Variants in ANKHD1 observed in about 807,000 individuals in gnomAD.
ANKHD1 encodes ankyrin repeat and KH domain-containing protein 1.
A neutral mutation model predicts 230.5 loss-of-function variants in ANKHD1; 31 were observed. The observed-to-expected ratio is 0.13, with a 90% confidence interval of 0.10 to 0.18. ANKHD1 has a LOEUF of 0.18. Ranked by LOEUF, ANKHD1 falls within the 10% of genes least tolerant of loss-of-function variation. The pLI, the probability that ANKHD1 is intolerant of heterozygous loss-of-function variation, is 1.00. For synonymous variants in ANKHD1, 1,074 were observed against 1,117.6 expected, an observed-to-expected ratio of 0.96 and a Z score of 0.78; for missense variants, 2,256 against 3,071.3, an observed-to-expected ratio of 0.73 and a Z score of 6.27.
At chr5:140,503,549 C>CTTCCT (rs1752397231) in intron 15 of ANKHD1, among the ~76,000 whole-genome samples, 8 of 52,314 alleles carry the variant, frequency 1.5e-4, no homozygotes, top group African/African-American at 6.1e-4. Context: ...ACTCAGTTTT[C>CTTCCT]TTTCTTTTTT....
At chr5:140,463,609 A>G (rs1467711688) in intron 9 of ANKHD1, among the ~76,000 whole-genome samples, 1 of 152,106 alleles carries the variant, frequency 6.6e-6, no homozygotes, top group African/African-American at 2.4e-5. Flanking sequence ...GAAGGATGCT[A>G]AGGGACCACC....
intron 10 of ANKHD1, among the ~76,000 whole-genome samples, chr5:140,468,259 G>T (rs1431345338): frequency 7.0e-6 from 1 of 142,144 alleles, no homozygotes; most frequent in African/African-American, 2.6e-5. Flanking sequence ...GCAAGACTCC[G>T]TCTCAAAAAA....
At chr5:140,466,543 TTAAAA>T (rs1776102877) in intron 10 of ANKHD1, among the ~76,000 whole-genome samples, 2 of 152,218 alleles carry the variant, frequency 1.3e-5, no homozygotes, top group Non-Finnish European at 2.9e-5. Flanking sequence ...CTGGAATTAG[TTAAAA>T]TAGAGTGTTT....
chr5:140,413,363 C>G (rs972660825), intron 1 of ANKHD1, among the ~76,000 whole-genome samples: 4 of 152,170 alleles, frequency 2.6e-5, no homozygotes, highest in Non-Finnish European at 5.9e-5. Flanking sequence ...ACTTTAACCA[C>G]TGTACATGTA....
intron 1 of ANKHD1, among the ~76,000 whole-genome samples, chr5:140,424,158 T>C (rs1216655006): frequency 1.3e-5 from 2 of 152,098 alleles, no homozygotes; most frequent in East Asian, 3.9e-4. Context: ...TTATATACCC[T>C]GGTATATATA....
At chr5:140,444,554 T>C (rs1006271732) in intron 5 of ANKHD1, among the ~76,000 whole-genome samples, 1 of 152,194 alleles carries the variant, frequency 6.6e-6, no homozygotes, top group Non-Finnish European at 1.5e-5. Context: ...CTTTACTTAA[T>C]GCATTTTGTT....
intron 15 of ANKHD1, among the ~76,000 whole-genome samples, chr5:140,502,466 A>G (rs1752348401): frequency 6.6e-6 from 1 of 152,240 alleles, no homozygotes; most frequent in Non-Finnish European, 1.5e-5. Context: ...TTCTTATCAC[A>G]TTCTGGCATA....
At chr5:140,406,808 T>C (rs1770495702) in intron 1 of ANKHD1, among the ~76,000 whole-genome samples, 1 of 152,016 alleles carries the variant, frequency 6.6e-6, no homozygotes. Context: ...AGTGCTGGGA[T>C]TACAGCCGTG....
chr5:140,510,733 T>C (rs910297419), intron 22 of ANKHD1, among the ~76,000 whole-genome samples: 2 of 152,178 alleles, frequency 1.3e-5, no homozygotes, highest in African/African-American at 4.8e-5. Flanking sequence ...TAAGAAAAAC[T>C]ATTATATGCA....
At chr5:140,453,681 C>G (rs922921873) in intron 7 of ANKHD1, among the ~76,000 whole-genome samples, 3 of 152,138 alleles carry the variant, frequency 2.0e-5, no homozygotes, top group Admixed American at 2.0e-4. Context: ...TTTGTCACCA[C>G]CAGGCCTGCC....
chr5:140,496,135 T>G (rs1752023824), intron 14 of ANKHD1, among the ~76,000 whole-genome samples: 1 of 152,234 alleles, frequency 6.6e-6, no homozygotes, highest in Non-Finnish European at 1.5e-5. Flanking sequence ...CAACGCTATT[T>G]TGATACTGCT....
At chr5:140,451,981 A>G (rs1358913550) in intron 7 of ANKHD1, among the ~76,000 whole-genome samples, 1 of 152,230 alleles carries the variant, frequency 6.6e-6, no homozygotes. Context: ...CCAAATAGGA[A>G]CAGCTCCAGT....
chr5:140,520,155 G>C (rs1201405977), intron 24 of ANKHD1, among the ~76,000 whole-genome samples: 1 of 152,206 alleles, frequency 6.6e-6, no homozygotes, highest in South Asian at 2.1e-4. Context: ...AGACATTTAT[G>C]CAGCCAAAAA....
intron 5 of ANKHD1, among the ~76,000 whole-genome samples, chr5:140,442,325 TGA>T (rs1458069915): frequency 2.6e-5 from 4 of 152,240 alleles, no homozygotes; most frequent in African/African-American, 9.6e-5. Flanking sequence ...ATTACAGATG[TGA>T]GCCACCAAGC....
intron 5 of ANKHD1, among the ~76,000 whole-genome samples, chr5:140,442,370 C>T (rs975836131): frequency 6.6e-6 from 1 of 151,996 alleles, no homozygotes; most frequent in Non-Finnish European, 1.5e-5. Context: ...GCAACAGTCC[C>T]CAACCTTTTT....
At chr5:140,495,231 T>C (rs1751973323) in intron 14 of ANKHD1, among the ~76,000 whole-genome samples, 1 of 151,066 alleles carries the variant, frequency 6.6e-6, no homozygotes, top group African/African-American at 2.4e-5. Context: ...TGTTCCTTTT[T>C]GTTGCTGAAT....
intron 2 of ANKHD1, among the ~76,000 whole-genome samples, chr5:140,437,162 G>A (rs986348796): frequency 2.6e-5 from 4 of 151,880 alleles, no homozygotes; most frequent in African/African-American, 9.7e-5. Context: ...ATTTATTGTG[G>A]GTATCCTTCC....
chr5:140,402,525 G>T (rs1269392913), intron 1 of ANKHD1, among the ~76,000 whole-genome samples: 1 of 152,198 alleles, frequency 6.6e-6, no homozygotes, highest in Non-Finnish European at 1.5e-5. Context: ...CTTCGCGCGG[G>T]AACAGGGACT....
At chr5:140,403,677 C>T (rs1770180240) in intron 1 of ANKHD1, among the ~76,000 whole-genome samples, 2 of 152,264 alleles carry the variant, frequency 1.3e-5, no homozygotes, top group East Asian at 1.9e-4. Flanking sequence ...TATGTGTATA[C>T]TTTTTTCTGT....
Sources: gnomAD v4.1 joint callset for allele counts (sites outside exome capture counted in the v4.1 genomes callset) on GRCh38, gnomAD v4.1.1 for gene constraint, MANE v1.5 for transcripts, NCBI Gene and HGNC (gene_info 2026-07-23, HGNC 2026-07-21) for gene names.